The following SMAD7 variants were observed in gnomAD, a reference collection of about 807,000 sequenced individuals.
The protein encoded by SMAD7 is SMAD family member 7.
A neutral mutation model predicts 38.7 loss-of-function variants in SMAD7; 8 were observed. The observed-to-expected ratio is 0.21, with a 90% CI of 0.12 to 0.37. SMAD7 has a LOEUF of 0.37. Among genes scored for constraint, SMAD7 ranks in the 10% least tolerant of loss-of-function variants. The pLI is 1.00. For missense variants in SMAD7, 477 were observed against 577.9 expected (o/e 0.83, Z 1.79); for synonymous variants, 327 against 265.1 (o/e 1.23, Z -2.27).
chr18:48,938,662 C>G (rs1414541874), intron 3 of SMAD7, among the ~76,000 whole-genome samples: 1 of 152,158 alleles, frequency 6.6e-6, no homozygotes, highest in South Asian at 2.1e-4. Context: ...CCACTCAAAC[C>G]AGGACAGCAG....
chr18:48,933,076 C>T (rs1007091794), intron 3 of SMAD7, among the ~76,000 whole-genome samples: 1 of 152,166 alleles, frequency 6.6e-6, no homozygotes, highest in African/African-American at 2.4e-5. Flanking sequence ...TGTCATCTTA[C>T]AATCAGCAAG....
intron 3 of SMAD7, among the ~76,000 whole-genome samples, chr18:48,938,443 A>G (rs1481214624): frequency 6.6e-6 from 1 of 152,110 alleles, no homozygotes; most frequent in East Asian, 1.9e-4. Context: ...ACTGCCTCCT[A>G]CCTCCCTCCT....
chr18:48,946,608 T>G (rs2070198823), intron 2 of SMAD7, among the ~76,000 whole-genome samples: 1 of 152,262 alleles, frequency 6.6e-6, no homozygotes. Flanking sequence ...CTGTCTTAGT[T>G]TCCGATTGGC....
intron 3 of SMAD7, among the ~76,000 whole-genome samples, chr18:48,939,985 C>T (rs1248251550): frequency 6.6e-6 from 1 of 152,068 alleles, no homozygotes; most frequent in African/African-American, 2.4e-5. Context: ...TGGGCTTTCT[C>T]CATTTACAAA....
At chr18:48,931,735 G>A (rs890860042) in intron 3 of SMAD7, among the ~76,000 whole-genome samples, 1 of 152,244 alleles carries the variant, frequency 6.6e-6, no homozygotes, top group Non-Finnish European at 1.5e-5. Context: ...GAAAACTGAG[G>A]CCCAGAACAC....
chr18:48,942,369 G>A (rs533094189), intron 3 of SMAD7, 112 bp downstream of exon 3: 613 of 709,198 alleles, frequency 8.6e-4, no homozygotes, highest in Non-Finnish European at 1.3e-3. Flanking sequence ...ATATAAAAAT[G>A]AGAATGAAGT....
intron 3 of SMAD7, among the ~76,000 whole-genome samples, chr18:48,940,967 C>T (rs931607325): frequency 2.6e-5 from 4 of 152,146 alleles, no homozygotes; most frequent in Non-Finnish European, 4.4e-5. Context: ...GACAAACCTT[C>T]CGAAAGGACC....
chr18:48,928,346 C>G (rs2069953458), intron 3 of SMAD7, among the ~76,000 whole-genome samples: 1 of 152,124 alleles, frequency 6.6e-6, no homozygotes, highest in Non-Finnish European at 1.5e-5. Flanking sequence ...CTTTGAGGAG[C>G]AGGGTACATT....
At chr18:48,948,107 T>TA (rs1318875327) in intron 2 of SMAD7, among the ~76,000 whole-genome samples, 1 of 152,200 alleles carries the variant, frequency 6.6e-6, no homozygotes, top group Non-Finnish European at 1.5e-5. Flanking sequence ...CTCTCTGGAC[T>TA]AAAGCTTCCA....
At chr18:48,923,120 T>C (rs1303268339) in intron 3 of SMAD7, among the ~76,000 whole-genome samples, 2 of 152,032 alleles carry the variant, frequency 1.3e-5, no homozygotes, top group African/African-American at 4.8e-5. Context: ...AGTCTTGTAT[T>C]TGTTAACAAA....
chr18:48,925,200 AT>A (rs1200852605), intron 3 of SMAD7, among the ~76,000 whole-genome samples: 1 of 152,212 alleles, frequency 6.6e-6, no homozygotes, highest in East Asian at 1.9e-4. Flanking sequence ...CCTCAGCTTT[AT>A]AACCTTTTCC....
At chr18:48,937,989 C>A (rs1248046197) in intron 3 of SMAD7, among the ~76,000 whole-genome samples, 1 of 152,300 alleles carries the variant, frequency 6.6e-6, no homozygotes, top group East Asian at 1.9e-4. Flanking sequence ...GAGCAACAGG[C>A]GCCCAGGCCC....
intron 1 of SMAD7, among the ~76,000 whole-genome samples, chr18:48,948,861 C>T (rs761796647): frequency 1.3e-5 from 2 of 152,276 alleles, no homozygotes; most frequent in Non-Finnish European, 2.9e-5. Flanking sequence ...GCTCGGCACT[C>T]GCGCGGGGGA....
chr18:48,945,629 C>G (rs752576140), intron 2 of SMAD7, among the ~76,000 whole-genome samples: 1 of 152,158 alleles, frequency 6.6e-6, no homozygotes, highest in African/African-American at 2.4e-5. Context: ...AGAGGGACCT[C>G]GGTTAAGAGA....
chr18:48,927,189 G>GAAACCAAAAT (rs2069938687), intron 3 of SMAD7, among the ~76,000 whole-genome samples: 1 of 152,192 alleles, frequency 6.6e-6, no homozygotes, highest in African/African-American at 2.4e-5. Context: ...AAATGTTTCA[G>GAAACCAAAAT]GTAAACTGCG....
At chr18:48,942,220 C>G (rs2070148190) in intron 3 of SMAD7, among the ~76,000 whole-genome samples, 1 of 152,208 alleles carries the variant, frequency 6.6e-6, no homozygotes, top group Non-Finnish European at 1.5e-5. Context: ...CCGGGCAACA[C>G]TTCACACACC....
intron 2 of SMAD7, among the ~76,000 whole-genome samples, chr18:48,946,943 CTCTTT>C (rs1392222928): frequency 6.6e-6 from 1 of 152,114 alleles, no homozygotes; most frequent in African/African-American, 2.4e-5. Flanking sequence ...ACTGTTCTCT[CTCTTT>C]TAAGGAAAAC....
In SMAD7 at chr18:48,921,504, G is replaced by A. The variant is rs774136579; in HGVS notation, c.1149C>T (p.His383=). Residue 383 remains histidine, a synonymous_variant, in exon 4 of 4, where the codon CAC becomes CAT. Coordinates refer to ENST00000262158, the MANE Select transcript of SMAD7 (RefSeq NM_005904.4). This position sits in a 1 kb window ranked among gnomAD's most constrained non-coding sequence, Gnocchi z 6.4. ...KAYSLQRPND[H]EFMQQPWTGF... Reference sequence around the variant, plus strand: ...CCGTCCACGGCTGCTGCATAAACTCGTGGTCATTGGGCCGCTGCAGGCTGT... The same window carrying A: ...CCGTCCACGGCTGCTGCATAAACTCATGGTCATTGGGCCGCTGCAGGCTGT... 25 of 1,614,100 alleles carry A rather than the reference G, an allele frequency of 1.5e-5. No individual in the cohort carries two copies. The highest frequency in any genetic ancestry group is 1.1e-4 in the African/African-American group (8 of 74,938).
chr18:48,949,029 G>A (rs957949224), intron 1 of SMAD7, among the ~76,000 whole-genome samples: 2 of 152,244 alleles, frequency 1.3e-5, no homozygotes, highest in Non-Finnish European at 2.9e-5. Context: ...GAGGATAAAA[G>A]GAAAGGAGTT....
Sources: gnomAD v4.1 joint callset for allele counts (sites outside exome capture counted in the v4.1 genomes callset) on GRCh38, gnomAD v4.1.1 for gene constraint, Gnocchi (gnomAD v3.1) non-coding constraint, MANE v1.5 for transcripts, NCBI Gene and HGNC (gene_info 2026-07-23, HGNC 2026-07-21) for gene names.